KCNN2: variants seen among roughly 807,000 people sequenced by gnomAD.
KCNN2 encodes potassium calcium-activated channel subfamily N member 2, also known as small conductance calcium-activated potassium channel protein 2.
Under a neutral mutation model 55.5 loss-of-function variants are expected in KCNN2, and 24 were observed. That is an observed-to-expected ratio of 0.43 (90% CI 0.31 to 0.61). The LOEUF (loss-of-function observed/expected upper bound fraction) is 0.61, where lower values mean the gene tolerates loss of function less well. Ranked by LOEUF, KCNN2 falls within the 20% of genes least tolerant of loss-of-function variation. The pLI is 0.08. For missense variants in KCNN2, 754 were observed against 853.6 expected (o/e 0.88, Z 1.45); for synonymous variants, 431 against 336.1 (o/e 1.28, Z -3.09).
At chr5:114,355,058 A>T (rs1203866446) in intron 2 of KCNN2, among the ~76,000 whole-genome samples, 1 of 152,174 alleles carries the variant, frequency 6.6e-6, no homozygotes, top group African/African-American at 2.4e-5. Context: ...CATTTAATTT[A>T]ACTTAGCAAA....
chr5:114,467,026 C>T (rs968762156), intron 4 of KCNN2, among the ~76,000 whole-genome samples: 7 of 152,136 alleles, frequency 4.6e-5, no homozygotes, highest in African/African-American at 1.7e-4. Context: ...TTTACACAGC[C>T]TTGCCTTTTC....
At chr5:114,386,253 G>T (rs929569144) in intron 2 of KCNN2, among the ~76,000 whole-genome samples, 1 of 151,684 alleles carries the variant, frequency 6.6e-6, no homozygotes, top group East Asian at 1.9e-4. Flanking sequence ...CTGCTTGAGA[G>T]CAGTGGAATC....
At chr5:114,157,105 T>C (rs1329704785) in intron 1 of KCNN2, among the ~76,000 whole-genome samples, 2 of 151,906 alleles carry the variant, frequency 1.3e-5, no homozygotes, top group African/African-American at 2.4e-5. Flanking sequence ...GCTGCACCCA[T>C]TGACTTGTCA....
intron 2 of KCNN2, among the ~76,000 whole-genome samples, chr5:114,330,250 G>A (rs981601333): frequency 9.2e-5 from 14 of 152,140 alleles, no homozygotes; most frequent in Non-Finnish European, 2.1e-4. Context: ...ACTGAGCTTA[G>A]TTCAGGAAGT....
intron 2 of KCNN2, among the ~76,000 whole-genome samples, chr5:114,370,869 A>G (rs1561591581): frequency 6.6e-6 from 1 of 152,164 alleles, no homozygotes; most frequent in Non-Finnish European, 1.5e-5. Context: ...AGTTTAAAGC[A>G]GGCAAGGCTC....
At chr5:114,344,369 G>T (rs1757071136) in intron 2 of KCNN2, among the ~76,000 whole-genome samples, 2 of 152,214 alleles carry the variant, frequency 1.3e-5, no homozygotes, top group South Asian at 4.1e-4. Context: ...GAAAGGAAGA[G>T]TGTAGGGTAA....
intron 1 of KCNN2, among the ~76,000 whole-genome samples, chr5:114,138,012 G>T (rs867817860): frequency 1.3e-5 from 2 of 151,974 alleles, no homozygotes; most frequent in Non-Finnish European, 2.9e-5. Flanking sequence ...TCAACCTGAG[G>T]TATTTACCAG....
Position 114,210,752 on chromosome 5 carries a change from G to T in KCNN2, c.-270-10728G>T, listed in dbSNP as rs1029165217. 2.0e-4 allele frequency among the ~76,000 whole-genome samples: 31 copies of T among 152,090 alleles called. 1 individual carries two copies. The highest frequency in any genetic ancestry group is 4.4e-5 in the Non-Finnish European group (3 of 68,016). On this transcript the variant is annotated intron_variant, in intron 1 of 10. Coordinates refer to the KCNN2 transcript ENST00000512097. ...AAGCACAAAGAGGTGAATAGTTTAT[G>T]CCTCAATTATTAGAAATGAAATGTT...
chr5:114,362,538 C>A lies in KCNN2; in HGVS notation c.399C>A (p.Ser133=). 1 of 555,614 alleles carries A rather than the reference C, an allele frequency of 1.8e-6. No individual in the cohort carries two copies. Among genetic ancestry groups the A allele is most frequent in the Non-Finnish European group, 3.0e-6 (1 of 328,962 alleles). The allele number at this position is 555,614 out of a possible 1,614,324, so 34.4% of individuals were successfully genotyped here. A position where few individuals can be genotyped will look rare whatever the true frequency, so the allele number is the denominator to read the frequency against. The change falls in exon 1 of 8, where the codon TCC becomes TCA. Residue 133 remains serine, a synonymous_variant. Transcript: ENST00000673685. ...TCAATGTGAGCGAGCTGACGCCGTCCAGCCATGCCAGTGCGCTCCGGCAGC... is the reference window on the plus strand; with the variant it reads ...TCAATGTGAGCGAGCTGACGCCGTCAAGCCATGCCAGTGCGCTCCGGCAGC... ...SQLNVSELTP[S]SHASALRQQY...
rs530017042 is a variant in KCNN2 at position 114,169,020 on chromosome 5, G to T, written c.-270-52460G>T. ...AGTGAGTGAGTTCTCACAAGATCTGGTTGTTTGAAAGTGTGTAGCATTTCC... is the reference window on the plus strand; with the variant it reads ...AGTGAGTGAGTTCTCACAAGATCTGTTTGTTTGAAAGTGTGTAGCATTTCC... On this transcript the variant is annotated intron_variant, in intron 1 of 10. Transcript: ENST00000512097. 2.0e-4 allele frequency among the ~76,000 whole-genome samples: 31 copies of T among 152,162 alleles called. No individual in the cohort carries two copies. The South Asian group carries it at 5.2e-3, about 25-fold the overall frequency.
At chr5:114,387,841 G>A (rs938128972) in intron 2 of KCNN2, among the ~76,000 whole-genome samples, 5 of 152,144 alleles carry the variant, frequency 3.3e-5, no homozygotes, top group African/African-American at 1.2e-4. Context: ...CCAGTTGGCA[G>A]TAGAGGGCTT....
intron 5 of KCNN2, among the ~76,000 whole-genome samples, chr5:114,475,185 C>T (rs1366943479): frequency 6.6e-6 from 1 of 152,018 alleles, no homozygotes; most frequent in African/African-American, 2.4e-5. Context: ...CGAGGTCAAC[C>T]AGTTTCATTT....
At chr5:114,255,636 A>AT (rs370951283) in intron 2 of KCNN2, among the ~76,000 whole-genome samples, 9 of 152,252 alleles carry the variant, frequency 5.9e-5, no homozygotes, top group Non-Finnish European at 1.2e-4. Context: ...CAAGGATCAG[A>AT]TTTTTGTTAT....
intron 1 of KCNN2, among the ~76,000 whole-genome samples, chr5:114,156,312 G>C (rs1270658377): frequency 2.0e-5 from 3 of 152,094 alleles, no homozygotes; most frequent in Admixed American, 2.0e-4. Flanking sequence ...AAGTCAGGTA[G>C]CATGATGCCT....
intron 2 of KCNN2, among the ~76,000 whole-genome samples, chr5:114,396,854 T>C (rs189536912): frequency 6.6e-6 from 1 of 152,284 alleles, no homozygotes; most frequent in Non-Finnish European, 1.5e-5. Flanking sequence ...CTAGGTAGTC[T>C]TTTGATCTTC....
At chr5:114,337,829 G>A (rs1295373158) in intron 2 of KCNN2, among the ~76,000 whole-genome samples, 1 of 152,044 alleles carries the variant, frequency 6.6e-6, no homozygotes, top group Non-Finnish European at 1.5e-5. Context: ...TTGTCTTTCT[G>A]GGACAAATAA....
intron 1 of KCNN2, among the ~76,000 whole-genome samples, chr5:114,093,245 C>T (rs961277493): frequency 6.6e-6 from 1 of 152,172 alleles, no homozygotes; most frequent in Non-Finnish European, 1.5e-5. Context: ...CAAGAGTGAC[C>T]TTTGATTCAG....
chr5:114,479,484 G>GTATT (rs1257271614), intron 5 of KCNN2, among the ~76,000 whole-genome samples: 1 of 152,140 alleles, frequency 6.6e-6, no homozygotes, highest in Non-Finnish European at 1.5e-5. Flanking sequence ...CTCACTGTCA[G>GTATT]TATTAGATAA....
chr5:114,146,512 G>A (rs554191035), intron 1 of KCNN2, among the ~76,000 whole-genome samples: 4 of 152,284 alleles, frequency 2.6e-5, no homozygotes, highest in African/African-American at 7.2e-5. Flanking sequence ...AACATGAGAA[G>A]TGGCTTCTCC....
Sources: gnomAD v4.1 joint callset for allele counts (sites outside exome capture counted in the v4.1 genomes callset) on GRCh38, gnomAD v4.1.1 for gene constraint, MANE v1.5 for transcripts, NCBI Gene and HGNC (gene_info 2026-07-23, HGNC 2026-07-21) for gene names.